The following MOXD1 variants were observed in gnomAD, a reference collection of about 807,000 sequenced individuals.
MOXD1 encodes the protein monooxygenase DBH like 1.
In MOXD1, 62 loss-of-function variants were observed where a neutral mutation model predicts 66.6. The ratio of observed to expected loss-of-function variants is 0.93; its 90% CI spans 0.76 to 1.15. MOXD1 has a LOEUF of 1.15. MOXD1 is among the 50% of genes most tolerant of loss of function. The pLI, the probability that MOXD1 is intolerant of heterozygous loss-of-function variation, is 0.00. For synonymous variants in MOXD1, 303 were observed against 281.9 expected, an observed-to-expected ratio of 1.07 and a Z score of -0.75; for missense variants, 847 against 754.6, an observed-to-expected ratio of 1.12 and a Z score of -1.44.
chr6:132,320,575 G>A, intron 9 of MOXD1, 54 bp downstream of exon 9: 1 of 1,425,652 alleles, frequency 7.0e-7, no homozygotes. Context: ...CTAAAATCAA[G>A]TTTATTTCTT....
chr6:132,311,801 A>C (rs868273450), intron 10 of MOXD1, among the ~76,000 whole-genome samples: 1 of 152,142 alleles, frequency 6.6e-6, no homozygotes, highest in Non-Finnish European at 1.5e-5. Context: ...TTCATTCAAC[A>C]TGTTAGCAAT....
At chr6:132,347,401 G>A (rs1775688479) in intron 4 of MOXD1, among the ~76,000 whole-genome samples, 2 of 152,178 alleles carry the variant, frequency 1.3e-5, no homozygotes, top group South Asian at 4.1e-4. Flanking sequence ...TTTGGGCTGG[G>A]TGTAGTGGCT....
chr6:132,302,078 A>C (rs976282210), intron 10 of MOXD1, among the ~76,000 whole-genome samples: 1 of 152,176 alleles, frequency 6.6e-6, no homozygotes, highest in African/African-American at 2.4e-5. Context: ...GGATCCTCTG[A>C]GTCAGTAACT....
chr6:132,368,353 T>G (rs576593306), intron 4 of MOXD1, among the ~76,000 whole-genome samples: 1 of 151,434 alleles, frequency 6.6e-6, no homozygotes, highest in African/African-American at 2.4e-5. Flanking sequence ...GACAAAGAGA[T>G]GACCTCACAT....
chr6:132,329,535 G>A (rs1325065793), intron 4 of MOXD1, among the ~76,000 whole-genome samples: 2 of 151,902 alleles, frequency 1.3e-5, no homozygotes, highest in Non-Finnish European at 2.9e-5. Context: ...ACCTCAAAAT[G>A]TTATCTTTAC....
chr6:132,377,230 T>C (rs1432820275), intron 1 of MOXD1, among the ~76,000 whole-genome samples: 1 of 152,232 alleles, frequency 6.6e-6, no homozygotes, highest in African/African-American at 2.4e-5. Context: ...TTAAATGAAA[T>C]ACTCCTGTGA....
intron 4 of MOXD1, among the ~76,000 whole-genome samples, chr6:132,358,389 A>T (rs1420450723): frequency 6.6e-6 from 1 of 152,228 alleles, no homozygotes; most frequent in Non-Finnish European, 1.5e-5. Flanking sequence ...CTCTATGTTT[A>T]CCACATCTCG....
At chr6:132,360,341 A>G (rs1187436637) in intron 4 of MOXD1, among the ~76,000 whole-genome samples, 1 of 152,226 alleles carries the variant, frequency 6.6e-6, no homozygotes, top group Non-Finnish European at 1.5e-5. Flanking sequence ...TGAAGATAGT[A>G]ACACTGCCTA....
chr6:132,336,291 C>G (rs1775437312), intron 4 of MOXD1, among the ~76,000 whole-genome samples: 1 of 152,196 alleles, frequency 6.6e-6, no homozygotes, highest in African/African-American at 2.4e-5. Flanking sequence ...GCACAAGTTG[C>G]TGCCCACATA....
chr6:132,308,515 T>A (rs1774748679), intron 10 of MOXD1, among the ~76,000 whole-genome samples: 1 of 152,190 alleles, frequency 6.6e-6, no homozygotes, highest in Non-Finnish European at 1.5e-5. Flanking sequence ...CCCTAACTCA[T>A]TTTATGAAGC....
chr6:132,372,789 A>G (rs757059425), intron 3 of MOXD1, 41 bp downstream of exon 3: 3 of 1,611,226 alleles, frequency 1.9e-6, no homozygotes, highest in East Asian at 2.2e-5. Context: ...TACACTTTCA[A>G]TAAGCCCATC....
chr6:132,328,023 AG>A lies in MOXD1; in HGVS notation c.935del (p.Thr312IlefsTer6). Reference protein sequence around the residue: ...VLLEVHYDNPTYEEGLIDNSG... With the variant: ...VLLEVHYDNPXYEEGLIDNSG... ...GAATAATAAACTCACCTTCCTCATAAGTGGGATTATCATAATGGACTTCTAG... is the reference window on the plus strand; with the variant it reads ...GAATAATAAACTCACCTTCCTCATAATGGGATTATCATAATGGACTTCTAG... On this transcript the variant is annotated frameshift_variant, in exon 6 of 12. Transcript: ENST00000367963. LOFTEE classifies it high-confidence loss of function. 6.2e-7 allele frequency: 1 copy of A among 1,611,004 alleles called. No individual in the cohort carries two copies. The highest frequency in any genetic ancestry group is 8.5e-7 in the Non-Finnish European group (1 of 1,177,380).
At chr6:132,303,833 GTGTATATATATATATATATATATA>G (rs1222745859) in intron 10 of MOXD1, among the ~76,000 whole-genome samples, 3 of 59,988 alleles carry the variant, frequency 5.0e-5, no homozygotes, top group Admixed American at 1.8e-4. Flanking sequence ...GTGTGTGTGT[GTGTATATATATATATATATATATA>G]TATATATATA....
intron 1 of MOXD1, 104 bp from the exon 2 acceptor site, chr6:132,374,881 A>T (rs964642183): frequency 2.0e-5 from 23 of 1,164,360 alleles, no homozygotes; most frequent in Non-Finnish European, 2.7e-5. Context: ...GTTATTTTAT[A>T]AATCCCGGGA....
intron 1 of MOXD1, among the ~76,000 whole-genome samples, chr6:132,395,619 A>G (rs7738876): frequency 0.093 from 14,139 of 152,170 alleles, 1,137 homozygotes; most frequent in East Asian, 0.42. Context: ...CTGACTATAC[A>G]CTGCTTACCA....
chr6:132,311,416 A>C (rs1315107622), intron 10 of MOXD1, among the ~76,000 whole-genome samples: 1 of 151,456 alleles, frequency 6.6e-6, no homozygotes, highest in Non-Finnish European at 1.5e-5. Flanking sequence ...TATAATAATT[A>C]TAATATAAAT....
chr6:132,311,302 A>G (rs187382500), intron 10 of MOXD1, among the ~76,000 whole-genome samples: 288 of 152,274 alleles, frequency 1.9e-3, no homozygotes, highest in African/African-American at 6.7e-3. Flanking sequence ...TAGAAATCAT[A>G]AAGATTAGGG....
intron 1 of MOXD1, among the ~76,000 whole-genome samples, chr6:132,382,947 G>C (rs974145248): frequency 1.3e-5 from 2 of 152,146 alleles, no homozygotes; most frequent in Non-Finnish European, 2.9e-5. Flanking sequence ...ATCTTTGACT[G>C]GTGCTGTGTT....
chr6:132,383,846 G>T (rs886286770), intron 1 of MOXD1, among the ~76,000 whole-genome samples: 6 of 152,150 alleles, frequency 3.9e-5, no homozygotes, highest in Non-Finnish European at 8.8e-5. Context: ...AAGGCGGGCA[G>T]ATCACCTGAG....
Sources: allele counts gnomAD v4.1 joint callset (sites outside exome capture counted in the v4.1 genomes callset), GRCh38; gene constraint gnomAD v4.1.1; transcripts MANE v1.5; gene names NCBI Gene and HGNC (gene_info 2026-07-23, HGNC 2026-07-21).